Variants in DNAH14 observed in about 807,000 individuals in gnomAD.
The protein encoded by DNAH14 is dynein axonemal heavy chain 14.
A neutral mutation model predicts 520.9 loss-of-function variants in DNAH14; 478 were observed. That is an observed-to-expected ratio of 0.92 (90% CI 0.85 to 0.99). The LOEUF (loss-of-function observed/expected upper bound fraction) is 0.99. Ranked by LOEUF, DNAH14 falls within the 50% of genes least tolerant of loss-of-function variation. The pLI, the probability that DNAH14 is intolerant of heterozygous loss-of-function variation, is 0.00. For synonymous variants in DNAH14, 1,581 were observed against 1,757.2 expected (o/e 0.90, Z 2.51); for missense variants, 4,831 against 5,234.5 (o/e 0.92, Z 2.38).
intron 10 of DNAH14, among the ~76,000 whole-genome samples, chr1:225,018,266 T>A (rs1008843917): frequency 6.6e-6 from 1 of 152,146 alleles, no homozygotes; most frequent in African/African-American, 2.4e-5. Flanking sequence ...CAAAATATAA[T>A]TGGAGGCATT....
At chr1:225,117,518 T>C (rs10915781) in intron 23 of DNAH14, among the ~76,000 whole-genome samples, 166 bp from the exon 24 acceptor site, 6,536 of 152,132 alleles carry the variant, frequency 0.043, 412 homozygotes, top group African/African-American at 0.14. Context: ...TTTAGCAATT[T>C]AAGTATCACT....
intron 64 of DNAH14, among the ~76,000 whole-genome samples, chr1:225,326,071 T>C (rs2094659761): frequency 6.6e-6 from 1 of 152,268 alleles, no homozygotes; most frequent in Admixed American, 6.5e-5. Context: ...AGTTTTGTTT[T>C]GATGGATGCT....
Position 225,159,461 on chromosome 1 carries a change from G to A in DNAH14, c.5421G>A (p.Leu1807=). Residue 1807 remains leucine (L), a synonymous_variant, in exon 35 of 86, where the codon TTG becomes TTA. Transcript: ENST00000682510. The stretch of plus-strand genomic sequence containing the variant: ...ATATTTTTCCAGAAGTGACAGTTTT[G>A]AAAGTAAATCAACTTGCCTTGGAGG... ...IGDIFPEVTV[L]KVNQLALEKV... 1.3e-6 allele frequency: 2 copies of A among 1,534,680 alleles called. No individual in the cohort carries two copies. The highest frequency in any genetic ancestry group is 1.8e-6 in the Non-Finnish European group (2 of 1,140,584).
At chr1:225,194,132 T>G (rs1307228884) in intron 38 of DNAH14, among the ~76,000 whole-genome samples, 3 of 152,094 alleles carry the variant, frequency 2.0e-5, no homozygotes, top group Non-Finnish European at 4.4e-5. Context: ...GCAAAGCAAT[T>G]ACAGACTTAA....
chr1:225,162,230 A>G (rs2149160395), intron 35 of DNAH14, among the ~76,000 whole-genome samples: 1 of 152,286 alleles, frequency 6.6e-6, no homozygotes, highest in East Asian at 1.9e-4. Flanking sequence ...GCATATGGAT[A>G]TCCAGTTTTC....
chr1:225,014,418 GT>G (rs34738305), intron 10 of DNAH14, among the ~76,000 whole-genome samples: 125,624 of 148,706 alleles, frequency 0.84, 54,378 homozygotes, highest in Non-Finnish European at 0.96. Flanking sequence ...TTCCTCACTA[GT>G]TTTTTTTTTT....
intron 22 of DNAH14, among the ~76,000 whole-genome samples, chr1:225,098,263 G>A (rs1439692311): frequency 2.1e-5 from 2 of 94,376 alleles, no homozygotes; most frequent in Non-Finnish European, 4.0e-5. Context: ...AGAGGGCCTG[G>A]GCAGTTGTTA....
intron 43 of DNAH14, among the ~76,000 whole-genome samples, chr1:225,242,514 C>T (rs1039593064): frequency 1.3e-5 from 2 of 152,090 alleles, no homozygotes; most frequent in African/African-American, 4.8e-5. Context: ...TGTCTTCCAC[C>T]TCCATATATT....
At chr1:225,310,338 C>T (rs1178056224) in intron 60 of DNAH14, among the ~76,000 whole-genome samples, 1 of 151,952 alleles carries the variant, frequency 6.6e-6, no homozygotes, top group Non-Finnish European at 1.5e-5. Context: ...TAAATATGTA[C>T]TTAGAATAAG....
intron 63 of DNAH14, 107 bp from the exon 64 acceptor site, chr1:225,324,630 G>T: frequency 9.0e-7 from 1 of 1,116,566 alleles, no homozygotes; most frequent in Non-Finnish European, 1.3e-6. Context: ...TTCTAGGAAA[G>T]TTTAATTGTA....
Position 225,232,096 on chromosome 1 carries a change from AT to A in DNAH14, c.6518+951del. 6.6e-6 allele frequency among the ~76,000 whole-genome samples: 1 copy of A among 152,200 alleles called. No individual in the cohort carries two copies. The highest frequency in any genetic ancestry group is 2.4e-5 in the African/African-American group (1 of 41,550). ...ACTTATTAATATGTTTCAAAATAAT[AT>A]TTTTTAGCTTTGTGTGTTTTTAACT... On this transcript the variant is annotated intron_variant, in intron 42 of 85. Transcript: ENST00000682510. This position sits in a 1 kb window ranked among gnomAD's most constrained non-coding sequence, Gnocchi z 4.2.
chr1:225,101,294 A>G (rs2075435604), intron 23 of DNAH14, among the ~76,000 whole-genome samples: 1 of 152,026 alleles, frequency 6.6e-6, no homozygotes, highest in Non-Finnish European at 1.5e-5. Context: ...CAGGCATACA[A>G]TATAAAATAA....
intron 66 of DNAH14, among the ~76,000 whole-genome samples, chr1:225,333,813 A>G (rs1381521937): frequency 3.9e-5 from 6 of 152,166 alleles, no homozygotes; most frequent in Admixed American, 2.0e-4. Context: ...ATTTAATACA[A>G]TTGATGAACT....
intron 27 of DNAH14, among the ~76,000 whole-genome samples, chr1:225,125,965 T>A (rs781021508): frequency 2.0e-5 from 3 of 152,130 alleles, no homozygotes; most frequent in Non-Finnish European, 4.4e-5. Flanking sequence ...GTCTCAGGGA[T>A]TAGGGAGACC....
chr1:225,315,898 T>C (rs2094458603), intron 60 of DNAH14, among the ~76,000 whole-genome samples: 1 of 152,214 alleles, frequency 6.6e-6, no homozygotes, highest in Non-Finnish European at 1.5e-5. Context: ...TCAGGAGGCA[T>C]GCAGATCAGG....
rs531181769 is a variant in DNAH14, at chr1:225,392,395, G to A, written c.13435G>A (p.Glu4479Lys). The change falls in exon 84 of 86, where the codon GAG (glutamate) becomes AAG (lysine). Residue 4479 changes from glutamate (E) to lysine (K), a missense_variant. By Grantham distance (56) the Glu-to-Lys change is moderately conservative. Transcript: ENST00000682510. ...GATTTCCAACACCACTGACAAGGAT[G>A]AGAAGTTCTCCGTATTTATGCCAAA... Reference protein sequence around the residue: ...HVISNTTDKDEKFSVFMPKKL... With the variant: ...HVISNTTDKDKKFSVFMPKKL... The A allele has an allele frequency of 6.4e-7, 1 of 1,552,176 alleles. No individual in the cohort carries two copies. Among genetic ancestry groups the A allele is most frequent in the African/African-American group, 1.4e-5 (1 of 73,190 alleles).
intron 61 of DNAH14, among the ~76,000 whole-genome samples, chr1:225,319,169 C>T (rs1418558292): frequency 6.6e-6 from 1 of 152,166 alleles, no homozygotes; most frequent in Non-Finnish European, 1.5e-5. Context: ...GGTGTCACTA[C>T]AGGAAGTGCG....
chr1:225,354,935 G>A (rs1191595308), intron 73 of DNAH14, among the ~76,000 whole-genome samples: 3 of 152,042 alleles, frequency 2.0e-5, no homozygotes, highest in Non-Finnish European at 2.9e-5. Context: ...GACTGCATCT[G>A]GCTTACAAAC....
At chr1:224,959,026 C>G (rs1437187100) in intron 3 of DNAH14, among the ~76,000 whole-genome samples, 1 of 151,992 alleles carries the variant, frequency 6.6e-6, no homozygotes, top group East Asian at 1.9e-4. Flanking sequence ...ACTTTCCAAT[C>G]TTGAGGTAAA....
Sources: allele counts gnomAD v4.1 joint callset (sites outside exome capture counted in the v4.1 genomes callset), GRCh38; gene constraint gnomAD v4.1.1; non-coding constraint Gnocchi (gnomAD v3.1); transcripts MANE v1.5; gene names NCBI Gene and HGNC (gene_info 2026-07-23, HGNC 2026-07-21).